Variants in C5 observed in about 807,000 individuals in gnomAD.
The protein encoded by C5 is complement C5, also known as C3 and PZP-like alpha-2-macroglobulin domain-containing protein 4.
Under a neutral mutation model 218.8 loss-of-function variants are expected in C5, and 140 were observed. The observed-to-expected ratio is 0.64, with a 90% CI of 0.56 to 0.74. The LOEUF is 0.74. Among genes scored for constraint, C5 ranks in the 30% least tolerant of loss-of-function variants. The pLI is 0.00. For missense variants in C5, 1,700 were observed against 1,969.6 expected (o/e 0.86, Z 2.59); for synonymous variants, 614 against 682.3 (o/e 0.90, Z 1.56).
intron 5 of C5, among the ~76,000 whole-genome samples, chr9:121,033,089 CAT>C (rs918775825): frequency 3.3e-5 from 5 of 151,320 alleles, no homozygotes; most frequent in African/African-American, 1.2e-4. Flanking sequence ...CACACACACA[CAT>C]ATATATACTG....
At chr9:120,999,758 C>T (rs549265384) in intron 20 of C5, 13 of 294,720 alleles carry the variant, frequency 4.4e-5, no homozygotes, top group Non-Finnish European at 8.8e-5. Flanking sequence ...AACCCACACT[C>T]AGGAGGAAAG....
intron 33 of C5, among the ~76,000 whole-genome samples, chr9:120,964,690 T>C (rs574202638): frequency 1.3e-5 from 2 of 151,966 alleles, no homozygotes; most frequent in East Asian, 3.9e-4. Context: ...GGGAGGGTTT[T>C]GTTTTTGTTT....
At chr9:120,966,700 A>G (rs2046870605) in intron 33 of C5, among the ~76,000 whole-genome samples, 1 of 152,172 alleles carries the variant, frequency 6.6e-6, no homozygotes, top group Non-Finnish European at 1.5e-5. Flanking sequence ...GCTGCCTGGG[A>G]AAGGGCGACC....
In C5 at chr9:120,959,621, C is replaced by T. The variant is rs1158947671; in HGVS notation, c.4678+627G>A. 2.0e-5 allele frequency among the ~76,000 whole-genome samples: 3 copies of T among 152,106 alleles called. No homozygotes were observed. The East Asian group carries it at 5.8e-4, about 29-fold the overall frequency. ...AGATAGTGTACAATATGCTCTCTCT[C>T]TCTCAAAAAATGCCAGCAATAAACA... On this transcript the variant is annotated intron_variant, in intron 38 of 40. Transcript: ENST00000223642.
At chr9:120,983,883 C>G (rs974222952) in intron 25 of C5, among the ~76,000 whole-genome samples, 1 of 152,120 alleles carries the variant, frequency 6.6e-6, no homozygotes, top group East Asian at 1.9e-4. Context: ...CACCTCCCAA[C>G]AGAAGATGAC....
At chr9:121,023,262 C>T (rs771053674) in intron 10 of C5, 142 bp downstream of exon 10, 4 of 722,708 alleles carry the variant, frequency 5.5e-6, no homozygotes, top group Middle Eastern at 2.7e-4. Context: ...TGTCTGTGTC[C>T]ACCAGGAGGG....
In C5 at chr9:121,027,221, A is replaced by C; in HGVS notation, c.812T>G (p.Ile271Arg). 6.2e-7 allele frequency: 1 copy of C among 1,603,602 alleles called. No individual in the cohort carries two copies. ...TEADVYITFG[I>R]REDLKDDQKE... is the part of the protein sequence containing the mutation. ...TTGATCATCTTTTAAGTCTTCTCTT[A>C]TTCCAAATGTGATATAAACGTCAGC... Residue 271 changes from isoleucine (I) to arginine (R), a missense_variant, in exon 8 of 41, where the codon ATA becomes AGA. By Grantham distance (97) the Ile-to-Arg change is moderately conservative. Transcript: ENST00000223642.
chr9:121,013,436 T>A (rs1338480788), intron 17 of C5, among the ~76,000 whole-genome samples: 1 of 152,160 alleles, frequency 6.6e-6, no homozygotes, highest in Non-Finnish European at 1.5e-5. Flanking sequence ...AGACATCAGC[T>A]TTTATATAAG....
At position 120,974,904 on chromosome 9, in the gene C5, T is replaced by A. The variant is rs779778499; in HGVS notation, c.3892A>T (p.Thr1298Ser). 6.2e-7 allele frequency: 1 copy of A among 1,614,108 alleles called. No homozygotes were observed. Among genetic ancestry groups the A allele is most frequent in the African/African-American group, 1.3e-5 (1 of 74,946 alleles). The part of the protein sequence containing the change: ...QDTINAIEGL[T>S]EYSLLVKQLR... ...TGTTTAACCAGGAGTGAATATTCCG[T>A]CAGGCCCTCAATGGCATTGATTGTG... Residue 1298 changes from threonine (T) to serine (S), a missense_variant, in exon 30 of 41, where the codon ACG becomes TCG. Thr to Ser is a moderately conservative substitution (Grantham distance 58). Transcript: ENST00000223642.
In C5 at chr9:121,010,686, G is replaced by A. The variant is rs558972660; in HGVS notation, c.2258-2188C>T. On this transcript the variant is annotated intron_variant, in intron 17 of 40. Transcript: ENST00000223642. ...AGACCAGAATAGCCAAAGCAATCCCGAGCAAAAAGAAAAAAACTGGAGGAA... is the reference window on the plus strand; with the variant it reads ...AGACCAGAATAGCCAAAGCAATCCCAAGCAAAAAGAAAAAAACTGGAGGAA... Among the ~76,000 whole-genome samples, 7 of 151,962 alleles carry A rather than the reference G, an allele frequency of 4.6e-5. No individual in the cohort carries two copies. In the South Asian group the frequency reaches 6.2e-4, roughly 14 times the overall value.
intron 29 of C5, 75 bp from the exon 30 acceptor site, chr9:120,975,006 TGA>T: frequency 6.5e-7 from 1 of 1,526,796 alleles, no homozygotes; most frequent in Non-Finnish European, 9.1e-7. Context: ...GCCCTTTTTA[TGA>T]GAGGGTAGGG....
intron 28 of C5, 31 bp from the exon 29 acceptor site, chr9:120,976,936 T>A: frequency 6.4e-7 from 1 of 1,551,910 alleles, no homozygotes; most frequent in South Asian, 1.1e-5. Context: ...TTCATTAATA[T>A]GATTAAAAAT....
chr9:121,044,087 A>G (rs1274945966), intron 2 of C5, among the ~76,000 whole-genome samples: 1 of 152,226 alleles, frequency 6.6e-6, no homozygotes, highest in African/African-American at 2.4e-5. Context: ...AAATTATTGT[A>G]AAAGTTTGGA....
chr9:121,015,294 AT>A, intron 15 of C5, 33 bp from the exon 16 acceptor site: 2 of 1,418,110 alleles, frequency 1.4e-6, no homozygotes, highest in Non-Finnish European at 9.9e-7. Flanking sequence ...AAGAAGAAGG[AT>A]TAAAAAGGAG....
Position 120,976,733 on chromosome 9 carries a change from C to T in C5, c.3831G>A (p.Glu1277=). ...VNPVIKWLSE[E]QRYGGGFYST... ...AATAAAAGCCACCTCCATACCTCTG[C>T]TCTTCTGATAGCCATTTGATGACTG... The change falls in exon 29 of 41, where the codon GAG becomes GAA. Residue 1277 remains glutamate (E), a synonymous_variant. Transcript: ENST00000223642. 6.2e-7 allele frequency: 1 copy of T among 1,614,142 alleles called. No individual in the cohort carries two copies. Among genetic ancestry groups the T allele is most frequent in the Non-Finnish European group, 8.5e-7 (1 of 1,179,992 alleles).
chr9:121,046,461 T>C, intron 1 of C5, 78 bp from the exon 2 acceptor site: 1 of 978,988 alleles, frequency 1.0e-6, no homozygotes, highest in South Asian at 1.3e-5. Context: ...TTTCTCTCAC[T>C]TGAGAGATTC....
At chr9:121,000,030 G>T in intron 20 of C5, 1 of 327,900 alleles carries the variant, frequency 3.0e-6, no homozygotes, top group Non-Finnish European at 5.9e-6. Context: ...TTGCACTCCA[G>T]CCTGGGCGAC....
In C5 at chr9:121,006,917, G is replaced by T; in HGVS notation, c.2409C>A (p.Gly803=). ...SLTTWEIQGV[G]ISNTGICVAD... is the part of the protein sequence containing the mutation. ...AAACCTGCTTACCAGTGTTTGAAAT[G>T]CCAACGCCTTGAATTTCCCAGGTGG... is the stretch of plus-strand genomic sequence containing the variant. The change falls in exon 19 of 41, where the codon GGC becomes GGA. Residue 803 remains glycine, a synonymous_variant. Coordinates refer to ENST00000223642, the MANE Select transcript of C5 (RefSeq NM_001735.3). 6.2e-7 allele frequency: 1 copy of T among 1,607,696 alleles called. No individual in the cohort carries two copies. The highest frequency in any genetic ancestry group is 1.1e-5 in the South Asian group (1 of 90,880).
intron 26 of C5, 151 bp from the exon 27 acceptor site, chr9:120,982,090 C>A (rs1448858793): frequency 4.4e-6 from 3 of 681,120 alleles, no homozygotes; most frequent in Admixed American, 2.0e-5. Flanking sequence ...TGGCTCACTG[C>A]AACCTCCGCC....
Sources: allele counts gnomAD v4.1 joint callset (sites outside exome capture counted in the v4.1 genomes callset), GRCh38; gene constraint gnomAD v4.1.1; transcripts MANE v1.5; gene names NCBI Gene and HGNC (gene_info 2026-07-23, HGNC 2026-07-21).